The following DNAJB6 variants were observed in gnomAD, a reference collection of about 807,000 sequenced individuals.
The protein encoded by DNAJB6 is DnaJ heat shock protein family (Hsp40) member B6, also known as dnaJ homolog subfamily B member 6.
In DNAJB6, 16 loss-of-function variants were observed where a neutral mutation model predicts 42.7. The observed-to-expected ratio is 0.37, with a 90% CI of 0.25 to 0.57. The LOEUF (loss-of-function observed/expected upper bound fraction) is 0.57, where lower values mean the gene tolerates loss of function less well. Among genes scored for constraint, DNAJB6 ranks in the 20% least tolerant of loss-of-function variants. DNAJB6 has a pLI of 0.74. For synonymous variants in DNAJB6, 170 were observed against 163.5 expected (o/e 1.04, Z -0.30); for missense variants, 347 against 416.8 (o/e 0.83, Z 1.46).
At chr7:157,364,554 G>A (rs1357250104) in intron 3 of DNAJB6, among the ~76,000 whole-genome samples, 2 of 152,112 alleles carry the variant, frequency 1.3e-5, no homozygotes, top group Admixed American at 6.5e-5. Context: ...GCACCATTGC[G>A]CCAGGCTTGT....
intron 1 of DNAJB6, chr7:157,337,696 G>T (rs1798119173): frequency 6.6e-6 from 1 of 152,264 alleles, no homozygotes; most frequent in South Asian, 2.1e-4. Context: ...GGAAGAGCAG[G>T]CTGCCTTTCT....
intron 1 of DNAJB6, among the ~76,000 whole-genome samples, chr7:157,337,979 A>G (rs138829348): frequency 9.3e-4 from 142 of 152,276 alleles, no homozygotes; most frequent in Admixed American, 2.6e-3. Flanking sequence ...TCGTGCCACC[A>G]CCGAAGGGGT....
At chr7:157,369,908 C>CG (rs1800076161) in intron 5 of DNAJB6, among the ~76,000 whole-genome samples, 1 of 143,996 alleles carries the variant, frequency 6.9e-6, no homozygotes, top group Non-Finnish European at 1.5e-5. Flanking sequence ...TATTATTAAA[C>CG]AGGCCCCTTC....
intron 8 of DNAJB6, among the ~76,000 whole-genome samples, chr7:157,406,311 T>TC (rs1795765527): frequency 6.6e-6 from 1 of 152,224 alleles, no homozygotes; most frequent in African/African-American, 2.4e-5. Context: ...ATCTCCACCT[T>TC]CATCTTCTTT....
intron 1 of DNAJB6, among the ~76,000 whole-genome samples, chr7:157,351,673 CA>C (rs1239318101): frequency 2.0e-5 from 3 of 151,174 alleles, no homozygotes; most frequent in Non-Finnish European, 4.4e-5. Flanking sequence ...AAAAAAACCA[CA>C]AAACTTGTTT....
At chr7:157,359,519 G>C (rs1014055127) in intron 2 of DNAJB6, among the ~76,000 whole-genome samples, 2 of 152,004 alleles carry the variant, frequency 1.3e-5, no homozygotes, top group Non-Finnish European at 1.5e-5. Flanking sequence ...AGCTGAGATA[G>C]TTCATTTTAA....
intron 1 of DNAJB6, among the ~76,000 whole-genome samples, chr7:157,352,737 T>C (rs12668448): frequency 0.45 from 68,410 of 151,996 alleles, 17,091 homozygotes; most frequent in Non-Finnish European, 0.55. Context: ...TAGATGGAGC[T>C]CAGGGCTTTC....
intron 5 of DNAJB6, among the ~76,000 whole-genome samples, chr7:157,374,493 A>G (rs1356086550): frequency 6.6e-6 from 1 of 152,134 alleles, no homozygotes; most frequent in Non-Finnish European, 1.5e-5. Flanking sequence ...TCCTGAGCTC[A>G]GGCGATCCAC....
rs145754968 is a variant in DNAJB6 at position 157,390,866 on chromosome 7, C to G, written c.691+5255C>G. 5.9e-3 allele frequency among the ~76,000 whole-genome samples: 906 copies of G among 152,308 alleles called. 14 individuals carry two copies. Among genetic ancestry groups the G allele is most frequent in the African/African-American group, 0.02 (838 of 41,556 alleles). ...TTTACTTAACTTTTGGACCAGTTCT[C>G]TCTCTCTAACCCAGGCTGGAGTACA... On this transcript the variant is annotated intron_variant, in intron 8 of 9. Coordinates refer to ENST00000262177, the MANE Select transcript of DNAJB6 (RefSeq NM_058246.4).
At chr7:157,366,043 C>T (rs4716471) in intron 3 of DNAJB6, among the ~76,000 whole-genome samples, 83,288 of 151,788 alleles carry the variant, frequency 0.55, 23,214 homozygotes, top group East Asian at 0.75. Flanking sequence ...CTCCGCCTCC[C>T]GGGTTCCAGC....
chr7:157,407,055 G>A (rs969513420), intron 8 of DNAJB6, among the ~76,000 whole-genome samples: 7 of 152,382 alleles, frequency 4.6e-5, no homozygotes, highest in East Asian at 1.9e-4. Context: ...GCCCAGGGGC[G>A]CGTTTTCACC....
At chr7:157,407,756 C>A (rs1309557606) in intron 8 of DNAJB6, among the ~76,000 whole-genome samples, 2 of 152,200 alleles carry the variant, frequency 1.3e-5, no homozygotes, top group Non-Finnish European at 2.9e-5. Flanking sequence ...CGTTGCCACA[C>A]AACAGCGACT....
At chr7:157,387,290 T>C (rs149122921) in intron 8 of DNAJB6, among the ~76,000 whole-genome samples, 6 of 152,306 alleles carry the variant, frequency 3.9e-5, no homozygotes, top group African/African-American at 1.4e-4. Flanking sequence ...GCTTGTCTGT[T>C]GTGTCGGAAA....
chr7:157,382,990 CT>C (rs369351438), intron 6 of DNAJB6, among the ~76,000 whole-genome samples: 20 of 148,832 alleles, frequency 1.3e-4, no homozygotes, highest in African/African-American at 1.5e-4. Flanking sequence ...CACAAAGGAG[CT>C]TTTTTTTTTG....
At chr7:157,354,476 A>G (rs946013026) in intron 1 of DNAJB6, among the ~76,000 whole-genome samples, 2 of 151,004 alleles carry the variant, frequency 1.3e-5, no homozygotes, top group African/African-American at 4.9e-5. Context: ...TTTTTTTTTA[A>G]AAAAATTATT....
At chr7:157,384,753 C>T in intron 6 of DNAJB6, 114 bp from the exon 7 acceptor site, 1 of 1,057,714 alleles carries the variant, frequency 9.5e-7, no homozygotes, top group Non-Finnish European at 1.4e-6. Context: ...GTTTATTACT[C>T]CTCGGTTCTA....
rs534802763 is a variant in DNAJB6 at position 157,374,385 on chromosome 7, A to G, written c.346+6902A>G. The stretch of plus-strand genomic sequence containing the variant: ...AGTGATTCTCCTGCCTTAGCCTCCC[A>G]AGTAGCGGGGATTACAGACATGTGC... On this transcript the variant is annotated intron_variant, in intron 5 of 9. Transcript: ENST00000262177. Among the ~76,000 whole-genome samples the G allele has an allele frequency of 2.6e-5, 4 of 152,082 alleles. No homozygotes were observed. In the East Asian group the frequency reaches 7.7e-4, roughly 29 times the overall value.
chr7:157,337,997 G>C (rs1236423246), intron 1 of DNAJB6, among the ~76,000 whole-genome samples: 2 of 152,216 alleles, frequency 1.3e-5, no homozygotes, highest in Non-Finnish European at 2.9e-5. Flanking sequence ...GGTGCCGCCT[G>C]CGAGCTCGGA....
intron 3 of DNAJB6, among the ~76,000 whole-genome samples, chr7:157,364,192 G>A (rs927220126): frequency 3.3e-5 from 5 of 151,860 alleles, no homozygotes; most frequent in Non-Finnish European, 7.4e-5. Context: ...GCGACAGTGC[G>A]AGACTGTCTC....
Sources: allele counts gnomAD v4.1 joint callset (sites outside exome capture counted in the v4.1 genomes callset), GRCh38; gene constraint gnomAD v4.1.1; transcripts MANE v1.5; gene names NCBI Gene and HGNC (gene_info 2026-07-23, HGNC 2026-07-21).